Variants in GJD2 observed in about 807,000 individuals in gnomAD.
GJD2 encodes gap junction delta-2 protein.
In GJD2, 12 loss-of-function variants were observed where a neutral mutation model predicts 24.3. The observed-to-expected ratio is 0.49, with a 90% confidence interval of 0.32 to 0.80. The LOEUF is 0.80. GJD2 is among the 30% of genes least tolerant of loss of function. GJD2 has a pLI of 0.04. For synonymous variants in GJD2, 171 were observed against 155.2 expected, an observed-to-expected ratio of 1.10 and a Z score of -0.76; for missense variants, 268 against 402.4, an observed-to-expected ratio of 0.67 and a Z score of 2.86.
Position 34,752,827 on chromosome 15 carries a change from C to G in GJD2, c.617G>C (p.Arg206Pro). 1 of 1,614,138 alleles carries G rather than the reference C, an allele frequency of 6.2e-7. No homozygotes were observed. ...SRFYIIQVVF[R>P]NALEIGFLVG... ...CAGGAACCCAATTTCCAGGGCATTT[C>G]GGAACACCACTTGGATAATGTAGAA... The change falls in exon 2 of 2, where the codon CGA becomes CCA. Residue 206 changes from arginine to proline, a missense_variant. Transcript: ENST00000290374.
At position 34,751,403 on chromosome 15, in the gene GJD2, T is replaced by A. The variant is rs1891101206; in HGVS notation, c.*1075A>T. On this transcript the variant is annotated 3_prime_UTR_variant, in exon 2 of 2. Coordinates refer to ENST00000290374, the MANE Select transcript of GJD2 (RefSeq NM_020660.3). ...TGTGTGTCTGTATATGTGTGTGTGT[T>A]TCAAAGAGTAACTGAAAAAATAATA... The A allele has an allele frequency of 6.6e-6, 1 of 152,126 alleles. No individual in the cohort carries two copies. The highest frequency in any genetic ancestry group is 2.4e-5 in the African/African-American group (1 of 41,418). The allele number at this position is 152,126 out of a possible 1,614,324, so 9.4% of individuals were successfully genotyped here. A position where few individuals can be genotyped will look rare whatever the true frequency, so the allele number is the denominator to read the frequency against.
chr15:34,754,543 G>T lies in GJD2; in HGVS notation c.-55C>A, dbSNP rs201869332. ...ACTGGGCAGCACCGGGCACGTTCCC[G>T]CTCCTGGCCCCTCCCCGGGCCGCAC... On this transcript the variant is annotated 5_prime_UTR_variant, in exon 1 of 2. Transcript: ENST00000290374. The surrounding 1 kb of genome is among the most constrained non-coding windows in gnomAD (Gnocchi z 5.9). 5.6e-6 allele frequency: 8 copies of T among 1,421,498 alleles called. No individual in the cohort carries two copies. Among genetic ancestry groups the T allele is most frequent in the Admixed American group, 3.4e-5 (2 of 59,410 alleles). The allele number at this position is 1,421,498 out of a possible 1,614,324, so 88.1% of individuals were successfully genotyped here. A position where few individuals can be genotyped will look rare whatever the true frequency, so the allele number is the denominator to read the frequency against.
At position 34,754,370 on chromosome 15, in the gene GJD2, C is replaced by A. The variant is rs748720896; in HGVS notation, c.71+48G>T. 7.2e-7 allele frequency: 1 copy of A among 1,383,708 alleles called. No homozygotes were observed. Among genetic ancestry groups the A allele is most frequent in the South Asian group, 1.2e-5 (1 of 86,300 alleles). The allele number at this position is 1,383,708 out of a possible 1,614,324, so 85.7% of individuals were successfully genotyped here. On this transcript the variant is annotated intron_variant, in intron 1 of 1. Coordinates refer to ENST00000290374, the MANE Select transcript of GJD2 (RefSeq NM_020660.3). The surrounding 1 kb of genome is among the most constrained non-coding windows in gnomAD (Gnocchi z 5.9). The stretch of plus-strand genomic sequence containing the variant: ...CAGTCCAGGTGTGAGAAGGGACTCC[C>A]GGGGGCCGCCCGACGGGGCCCCCTG...
Position 34,754,675 on chromosome 15 carries a change from G to T in GJD2, c.-187C>A. On this transcript the variant is annotated 5_prime_UTR_variant, in exon 1 of 2. Transcript: ENST00000290374. The surrounding 1 kb of genome is among the most constrained non-coding windows in gnomAD (Gnocchi z 5.9). ...ACTTAAAAGAGAAGAAATGGGGAAA[G>T]AAATCCAAGCGCGTCCCGACCGATG... The T allele has an allele frequency of 1.7e-6, 1 of 596,904 alleles. No individual in the cohort carries two copies. The highest frequency in any genetic ancestry group is 2.8e-5 in the Admixed American group (1 of 35,616). 37.0% of individuals were successfully genotyped at this position (596,904 alleles called of 1,614,324 possible).
chr15:34,754,366 C>T lies in GJD2; in HGVS notation c.71+52G>A. ...GACTCAGTCCAGGTGTGAGAAGGGA[C>T]TCCCGGGGGCCGCCCGACGGGGCCC... is the stretch of plus-strand genomic sequence containing the variant. On this transcript the variant is annotated intron_variant, in intron 1 of 1. Transcript: ENST00000290374. This position sits in a 1 kb window ranked among gnomAD's most constrained non-coding sequence, Gnocchi z 5.9. 7.6e-7 allele frequency: 1 copy of T among 1,312,912 alleles called. No individual in the cohort carries two copies. The highest frequency in any genetic ancestry group is 1.1e-6 in the Non-Finnish European group (1 of 907,438). 81.3% of individuals were successfully genotyped at this position (1,312,912 alleles called of 1,614,324 possible).
Position 34,754,440 on chromosome 15 carries a change from G to C in GJD2, c.49C>G (p.Gln17Glu). Residue 17 changes from glutamine to glutamate, a missense_variant, in exon 1 of 2, where the codon CAG (glutamine) becomes GAG (glutamate). By Grantham distance (29) the Gln-to-Glu change is conservative (BLOSUM62 2). Coordinates refer to ENST00000290374, the MANE Select transcript of GJD2 (RefSeq NM_020660.3). This position sits in a 1 kb window ranked among gnomAD's most constrained non-coding sequence, Gnocchi z 5.9. ...LERLLEAAVQ[Q>E]HSTMIGRILL... ...TACCTCCCGATCATAGTGGAGTGCT[G>C]CTGCACCGCGGCTTCTAGCAGCCTC... 6.2e-7 allele frequency: 1 copy of C among 1,613,894 alleles called. No homozygotes were observed. The highest frequency in any genetic ancestry group is 1.1e-5 in the South Asian group (1 of 91,068).
chr15:34,753,335 T>C lies in GJD2; in HGVS notation c.109A>G (p.Ile37Val). The change falls in exon 2 of 2, where the codon ATT becomes GTT. Residue 37 changes from isoleucine to valine, a missense_variant. Around this residue, in one of 3 missense-constraint regions of GJD2, gnomAD observed 66 missense variants for 129.5 expected, o/e 0.51. Coordinates refer to ENST00000290374, the MANE Select transcript of GJD2 (RefSeq NM_020660.3). ...ACCGTCTCCCCCACAATGGCCACAA[T>C]GAGGATCCGGAAGATCACCACCACA... ...LTVVVIFRIL[I>V]VAIVGETVYD... 2 of 1,609,392 alleles carry C rather than the reference T, an allele frequency of 1.2e-6. No homozygotes were observed. Among genetic ancestry groups the C allele is most frequent in the Non-Finnish European group, 1.7e-6 (2 of 1,178,562 alleles).
At position 34,753,211 on chromosome 15, in the gene GJD2, T is replaced by A. The variant is rs1224339251; in HGVS notation, c.233A>T (p.Tyr78Phe). ...CACCATTATGATCTGGAAGACCCAG[T>A]AACGTATGTGGGAGATGGGGAAGGC... is the stretch of plus-strand genomic sequence containing the variant. Reference protein sequence around the residue: ...DRAFPISHIRYWVFQIIMVCT... With the variant: ...DRAFPISHIRFWVFQIIMVCT... The change falls in exon 2 of 2, where the codon TAC becomes TTC. Residue 78 changes from tyrosine to phenylalanine, a missense_variant. Physicochemically the swap from Tyr to Phe is conservative, Grantham distance 22 (BLOSUM62 3). Transcript: ENST00000290374. 6.2e-7 allele frequency: 1 copy of A among 1,613,970 alleles called. No homozygotes were observed. The highest frequency in any genetic ancestry group is 1.3e-5 in the African/African-American group (1 of 74,888).
Position 34,752,445 on chromosome 15 carries a change from G to A in GJD2, c.*33C>T, listed in dbSNP as rs757724805. 6.3e-7 allele frequency: 1 copy of A among 1,586,710 alleles called. No individual in the cohort carries two copies. The highest frequency in any genetic ancestry group is 1.1e-5 in the South Asian group (1 of 87,384). On this transcript the variant is annotated 3_prime_UTR_variant, in exon 2 of 2. Transcript: ENST00000290374. ...GCAGTCATCTGCCTTGGGGCTCCTT[G>A]CCATCCCCCAGACCTTCATGAAACC...
Position 34,751,953 on chromosome 15 carries a change from TGG to T in GJD2, c.*523_*524del, listed in dbSNP as rs1491213896. ...TTAGGTCTAATGTAAGGCCAGATTC[TGG>T]AAAAAAAAAAAAAAAAAAAAAAAAA... On this transcript the variant is annotated 3_prime_UTR_variant, in exon 2 of 2. Transcript: ENST00000290374. 6.6e-5 allele frequency: 3 copies of T among 45,364 alleles called. No individual in the cohort carries two copies. The highest frequency in any genetic ancestry group is 9.8e-5 in the African/African-American group (1 of 10,256). 2.8% of individuals were successfully genotyped at this position (45,364 alleles called of 1,614,324 possible). A position where few individuals can be genotyped will look rare whatever the true frequency, so the allele number is the denominator to read the frequency against.
rs1359172388 is a variant in GJD2 at position 34,754,407 on chromosome 15, G to A, written c.71+11C>T. 1 of 1,611,928 alleles carries A rather than the reference G, an allele frequency of 6.2e-7. No individual in the cohort carries two copies. Among genetic ancestry groups the A allele is most frequent in the Non-Finnish European group, 8.5e-7 (1 of 1,178,338 alleles). On this transcript the variant is annotated intron_variant, in intron 1 of 1. Coordinates refer to ENST00000290374, the MANE Select transcript of GJD2 (RefSeq NM_020660.3). This position sits in a 1 kb window ranked among gnomAD's most constrained non-coding sequence, Gnocchi z 5.9. Reference sequence around the variant, plus strand: ...GACGGGGCCCCCTGACCGCCGGCTTGGCGCCCTTACCTCCCGATCATAGTG... The same window carrying A: ...GACGGGGCCCCCTGACCGCCGGCTTAGCGCCCTTACCTCCCGATCATAGTG...
chr15:34,752,375 A>T lies in GJD2; in HGVS notation c.*103T>A. 2.2e-6 allele frequency: 2 copies of T among 929,828 alleles called. No homozygotes were observed. The highest frequency in any genetic ancestry group is 3.3e-6 in the Non-Finnish European group (2 of 613,546). The allele number at this position is 929,828 out of a possible 1,614,324, so 57.6% of individuals were successfully genotyped here. ...TTTATCCAGTCTTATCCTACATCTT[A>T]ATGGTGAGGGTCACATAAATGAGGG... On this transcript the variant is annotated 3_prime_UTR_variant, in exon 2 of 2. Coordinates refer to ENST00000290374, the MANE Select transcript of GJD2 (RefSeq NM_020660.3).
chr15:34,754,371 G>A lies in GJD2; in HGVS notation c.71+47C>T, dbSNP rs1291522880. 1.4e-6 allele frequency: 2 copies of A among 1,396,976 alleles called. No homozygotes were observed. The highest frequency in any genetic ancestry group is 1.2e-5 in the South Asian group (1 of 86,524). 86.5% of individuals were successfully genotyped at this position (1,396,976 alleles called of 1,614,324 possible). The stretch of plus-strand genomic sequence containing the variant: ...AGTCCAGGTGTGAGAAGGGACTCCC[G>A]GGGGCCGCCCGACGGGGCCCCCTGA... On this transcript the variant is annotated intron_variant, in intron 1 of 1. Transcript: ENST00000290374. This position sits in a 1 kb window ranked among gnomAD's most constrained non-coding sequence, Gnocchi z 5.9.
In GJD2 at chr15:34,752,031, T is replaced by C. The variant is rs906910159; in HGVS notation, c.*447A>G. The C allele has an allele frequency of 2.1e-5, 3 of 142,572 alleles. No homozygotes were observed. Among genetic ancestry groups the C allele is most frequent in the African/African-American group, 8.3e-5 (3 of 35,944 alleles). 8.8% of individuals were successfully genotyped at this position (142,572 alleles called of 1,614,324 possible). ...GAAAGGGGCATGCTGGTGGGGGAGA[T>C]ACATGAAGAGTGCCTCAAGGATGTT... On this transcript the variant is annotated 3_prime_UTR_variant, in exon 2 of 2. Transcript: ENST00000290374.
rs1269211819 is a variant in GJD2, at chr15:34,751,880, C to G, written c.*598G>C. Reference sequence around the variant, plus strand: ...TGAAAACCTCTGCCATGGCCGTTCTCCAATAAGCACCCCATGTAATTCCCT... The same window carrying G: ...TGAAAACCTCTGCCATGGCCGTTCTGCAATAAGCACCCCATGTAATTCCCT... On this transcript the variant is annotated 3_prime_UTR_variant, in exon 2 of 2. Transcript: ENST00000290374. 7.0e-6 allele frequency: 1 copy of G among 143,062 alleles called. No homozygotes were observed. Among genetic ancestry groups the G allele is most frequent in the Non-Finnish European group, 1.5e-5 (1 of 66,594 alleles). 8.9% of individuals were successfully genotyped at this position (143,062 alleles called of 1,614,324 possible). A position where few individuals can be genotyped will look rare whatever the true frequency, so the allele number is the denominator to read the frequency against.
rs1476913902 is a variant in GJD2 at position 34,752,913 on chromosome 15, G to A, written c.531C>T (p.His177=). 2 of 1,614,144 alleles carry A rather than the reference G, an allele frequency of 1.2e-6. No homozygotes were observed. The highest frequency in any genetic ancestry group is 3.3e-5 in the Admixed American group (2 of 60,034). Residue 177 remains histidine, a synonymous_variant, in exon 2 of 2, where the codon CAC becomes CAT. Transcript: ENST00000290374. ...TTGATGCAGTGCGTAGACCTGATGG[G>A]TGTGGAGTCAGCTCCTTAACCTCTA... The part of the protein sequence containing the change: ...DCLEVKELTP[H]PSGLRTASKS...
chr15:34,753,407 A>ACGGGCTG, intron 1 of GJD2, 35 bp from the exon 2 acceptor site: 2 of 1,546,164 alleles, frequency 1.3e-6, no homozygotes, highest in Non-Finnish European at 8.7e-7. Flanking sequence ...AGAGGTTCTC[A>ACGGGCTG]CGGGCTGCGT....
Position 34,752,358 on chromosome 15 carries a change from G to A in GJD2, c.*120C>T. 1.2e-6 allele frequency: 1 copy of A among 832,218 alleles called. No homozygotes were observed. The highest frequency in any genetic ancestry group is 1.9e-6 in the Non-Finnish European group (1 of 534,132). 51.6% of individuals were successfully genotyped at this position (832,218 alleles called of 1,614,324 possible). A position where few individuals can be genotyped will look rare whatever the true frequency, so the allele number is the denominator to read the frequency against. ...TTGGTGCAAAATCTTCTTTTATCCAGTCTTATCCTACATCTTAATGGTGAG... is the reference window on the plus strand; with the variant it reads ...TTGGTGCAAAATCTTCTTTTATCCAATCTTATCCTACATCTTAATGGTGAG... On this transcript the variant is annotated 3_prime_UTR_variant, in exon 2 of 2. Transcript: ENST00000290374.
Position 34,753,134 on chromosome 15 carries a change from G to A in GJD2, c.310C>T (p.Gln104Ter). Reference sequence around the variant, plus strand: ...ACTGTAGAGTAGCGGCGTTCTCGCTGCTTGGCGGACTGGTGCACAGAGTAG... The same window carrying A: ...ACTGTAGAGTAGCGGCGTTCTCGCTACTTGGCGGACTGGTGCACAGAGTAG... ...ITYSVHQSAK[Q>*]RERRYSTVFL... The change falls in exon 2 of 2, where the codon CAG becomes TAG. Residue 104 changes from glutamine to a stop codon, truncating the protein, a stop_gained. Coordinates refer to ENST00000290374, the MANE Select transcript of GJD2 (RefSeq NM_020660.3). LOFTEE classifies it high-confidence loss of function. The A allele has an allele frequency of 6.2e-7, 1 of 1,614,158 alleles. No individual in the cohort carries two copies. Among genetic ancestry groups the A allele is most frequent in the Non-Finnish European group, 8.5e-7 (1 of 1,180,038 alleles).
Sources: gnomAD v4.1 joint callset for allele counts on GRCh38, gnomAD v4.1.1 for gene constraint, gnomAD v4.1.1 regional missense constraint, Gnocchi (gnomAD v3.1) non-coding constraint, MANE v1.5 for transcripts, NCBI Gene and HGNC (gene_info 2026-07-23, HGNC 2026-07-21) for gene names.